The following NCOA1 variants were observed in gnomAD, a reference collection of about 807,000 sequenced individuals.
NCOA1 encodes nuclear receptor coactivator 1, also known as Hin-2 protein.
Under a neutral mutation model 150.9 loss-of-function variants are expected in NCOA1, and 35 were observed. The ratio of observed to expected loss-of-function variants is 0.23; its 90% CI spans 0.18 to 0.31. The LOEUF (loss-of-function observed/expected upper bound fraction) is 0.31, where lower values mean the gene tolerates loss of function less well. Among genes scored for constraint, NCOA1 ranks in the 10% least tolerant of loss-of-function variants. The pLI is 1.00. For missense variants in NCOA1, 1,491 were observed against 1,749.3 expected, an observed-to-expected ratio of 0.85 and a Z score of 2.63; for synonymous variants, 590 against 630.0, an observed-to-expected ratio of 0.94 and a Z score of 0.95.
chr2:24,704,481 A>T (rs1210737580), intron 11 of NCOA1, among the ~76,000 whole-genome samples: 1 of 152,168 alleles, frequency 6.6e-6, no homozygotes, highest in African/African-American at 2.4e-5. Flanking sequence ...CAGTATAGAG[A>T]AAGATTAAGG....
At chr2:24,746,976 A>G (rs1393520103) in intron 19 of NCOA1, among the ~76,000 whole-genome samples, 1 of 152,208 alleles carries the variant, frequency 6.6e-6, no homozygotes, top group Non-Finnish European at 1.5e-5. Context: ...AAAAAACTGT[A>G]AAGTCTAAAG....
intron 10 of NCOA1, among the ~76,000 whole-genome samples, chr2:24,695,436 T>G (rs1338527657): frequency 2.0e-5 from 3 of 152,174 alleles, no homozygotes; most frequent in African/African-American, 7.2e-5. Flanking sequence ...ATTACATTAC[T>G]TTTCACTAAA....
intron 10 of NCOA1, among the ~76,000 whole-genome samples, chr2:24,696,954 T>G (rs1249818180): frequency 6.6e-6 from 1 of 152,122 alleles, no homozygotes; most frequent in Non-Finnish European, 1.5e-5. Flanking sequence ...AAAACAGGTC[T>G]TAATATTCAC....
At chr2:24,621,431 GATT>G (rs1669151335) in intron 3 of NCOA1, among the ~76,000 whole-genome samples, 1 of 75,540 alleles carries the variant, frequency 1.3e-5, no homozygotes, top group Non-Finnish European at 2.5e-5. Context: ...TATTCAGGCA[GATT>G]TTTTTTTTTT....
At chr2:24,617,882 C>G (rs920873483) in intron 3 of NCOA1, among the ~76,000 whole-genome samples, 1 of 151,806 alleles carries the variant, frequency 6.6e-6, no homozygotes, top group Non-Finnish European at 1.5e-5. Flanking sequence ...TACACACACA[C>G]GCACACACGC....
At chr2:24,691,359 T>G in intron 8 of NCOA1, 122 bp from the exon 9 acceptor site, 1 of 816,632 alleles carries the variant, frequency 1.2e-6, no homozygotes, top group Non-Finnish European at 2.0e-6. Flanking sequence ...TCTGAAGAGG[T>G]CAGTCTGTCT....
At chr2:24,613,582 C>T (rs1668736530) in intron 3 of NCOA1, among the ~76,000 whole-genome samples, 2 of 152,198 alleles carry the variant, frequency 1.3e-5, no homozygotes, top group Non-Finnish European at 2.9e-5. Context: ...ACTCTTAATC[C>T]AGGAGAGTGG....
At chr2:24,611,725 T>G (rs149857982) in intron 3 of NCOA1, among the ~76,000 whole-genome samples, 32 of 152,324 alleles carry the variant, frequency 2.1e-4, no homozygotes, top group Non-Finnish European at 3.8e-4. Context: ...TTATATGATG[T>G]AAGACTTGCA....
chr2:24,595,498 G>A (rs1667848789), intron 3 of NCOA1, among the ~76,000 whole-genome samples: 2 of 151,906 alleles, frequency 1.3e-5, no homozygotes, highest in South Asian at 2.1e-4. Context: ...TATTTTTATA[G>A]GACCTCTGAA....
chr2:24,530,173 G>A (rs1664821219), intron 1 of NCOA1, among the ~76,000 whole-genome samples: 1 of 152,194 alleles, frequency 6.6e-6, no homozygotes, highest in African/African-American at 2.4e-5. Context: ...ATCTGAAAGA[G>A]TGTTGGACAA....
intron 14 of NCOA1, among the ~76,000 whole-genome samples, chr2:24,726,304 A>G (rs1462696558): frequency 1.3e-5 from 2 of 152,058 alleles, no homozygotes; most frequent in African/African-American, 2.4e-5. Flanking sequence ...TATCTTTAAG[A>G]TAAATAATTT....
chr2:24,770,053 A>G lies in NCOA1; in HGVS notation c.*1662A>G. The G allele has an allele frequency of 4.4e-6, 1 of 229,294 alleles. No individual in the cohort carries two copies. 14.2% of individuals were successfully genotyped at this position (229,294 alleles called of 1,614,324 possible). On this transcript the variant is annotated 3_prime_UTR_variant, in exon 23 of 23. Coordinates refer to ENST00000348332, the MANE Select transcript of NCOA1 (RefSeq NM_003743.5). ...CAAATAACTCCATTGAACAGCATCT[A>G]TTCAGAAACTATGCCGAATAAAAAG...
chr2:24,642,217 T>C (rs1043650534), intron 3 of NCOA1, among the ~76,000 whole-genome samples: 1 of 151,918 alleles, frequency 6.6e-6, no homozygotes. Context: ...AATCTTAGAA[T>C]TTGCTATTGA....
At chr2:24,537,881 CAT>C (rs1426793003) in intron 1 of NCOA1, among the ~76,000 whole-genome samples, 4 of 151,972 alleles carry the variant, frequency 2.6e-5, no homozygotes, top group African/African-American at 4.8e-5. Context: ...AGAAAACTAA[CAT>C]AGTGGAAATT....
chr2:24,716,198 T>G (rs1295823091), intron 14 of NCOA1, among the ~76,000 whole-genome samples: 8 of 150,174 alleles, frequency 5.3e-5, no homozygotes, highest in Non-Finnish European at 1.2e-4. Context: ...TTTGACAAGC[T>G]TTTTCTAAAG....
intron 14 of NCOA1, among the ~76,000 whole-genome samples, chr2:24,718,826 G>A (rs181285974): frequency 0.013 from 1,993 of 148,360 alleles, 21 homozygotes; most frequent in Non-Finnish European, 0.019. Flanking sequence ...CCGAGATCGC[G>A]CCACTGCACC....
chr2:24,701,028 C>CT (rs1489966421), intron 11 of NCOA1, among the ~76,000 whole-genome samples: 2 of 151,840 alleles, frequency 1.3e-5, no homozygotes, highest in African/African-American at 2.4e-5. Context: ...GTTATTGAGA[C>CT]TTTTTTTTCA....
chr2:24,528,644 G>A (rs1664751592), intron 1 of NCOA1, among the ~76,000 whole-genome samples: 1 of 151,588 alleles, frequency 6.6e-6, no homozygotes, highest in Non-Finnish European at 1.5e-5. Flanking sequence ...CACCACCCCT[G>A]GCTAATTTCA....
intron 4 of NCOA1, among the ~76,000 whole-genome samples, chr2:24,657,319 T>C (rs1670993950): frequency 6.6e-6 from 1 of 152,214 alleles, no homozygotes; most frequent in Non-Finnish European, 1.5e-5. Flanking sequence ...TACAATTAGG[T>C]ATTTGGTTCC....
Sources: gnomAD v4.1 joint callset for allele counts (sites outside exome capture counted in the v4.1 genomes callset) on GRCh38, gnomAD v4.1.1 for gene constraint, MANE v1.5 for transcripts, NCBI Gene and HGNC (gene_info 2026-07-23, HGNC 2026-07-21) for gene names.